CCDC148: variants seen among roughly 807,000 people sequenced by gnomAD.
CCDC148 encodes the protein coiled-coil domain containing 148.
In CCDC148, 89 loss-of-function variants were observed where a neutral mutation model predicts 85.7. That is an observed-to-expected ratio of 1.04 (90% confidence interval 0.87 to 1.24). The LOEUF (loss-of-function observed/expected upper bound fraction) is 1.24. CCDC148 is among the 50% of genes most tolerant of loss of function. The probability of loss-of-function intolerance (pLI) is 0.00; values close to 1 mark genes in which losing one functional copy is unlikely to be tolerated. For synonymous variants in CCDC148, 230 were observed against 213.9 expected (o/e 1.08, Z -0.66); for missense variants, 692 against 671.7 (o/e 1.03, Z -0.33).
At chr2:158,175,152 A>G (rs1272320508) in intron 13 of CCDC148, among the ~76,000 whole-genome samples, 2 of 151,990 alleles carry the variant, frequency 1.3e-5, no homozygotes, top group Admixed American at 6.6e-5. Flanking sequence ...CCGCTTGGTC[A>G]AACCCAGAGG....
At chr2:158,174,148 A>T (rs1015458439) in intron 13 of CCDC148, among the ~76,000 whole-genome samples, 2 of 152,062 alleles carry the variant, frequency 1.3e-5, no homozygotes, top group Non-Finnish European at 2.9e-5. Context: ...GGTACCAAGA[A>T]ATATTTTAGG....
chr2:158,247,046 G>A (rs1024100717), intron 10 of CCDC148, among the ~76,000 whole-genome samples: 1 of 152,056 alleles, frequency 6.6e-6, no homozygotes, highest in African/African-American at 2.4e-5. Flanking sequence ...AATTTCCATG[G>A]CAATATAGAT....
At chr2:158,415,213 T>A (rs1378303596) in intron 1 of CCDC148, among the ~76,000 whole-genome samples, 1 of 150,386 alleles carries the variant, frequency 6.6e-6, no homozygotes, top group Non-Finnish European at 1.5e-5. Flanking sequence ...GCCTCAACAA[T>A]CATGGCAGAA....
intron 2 of CCDC148, among the ~76,000 whole-genome samples, chr2:158,353,715 C>G (rs1683457714): frequency 1.3e-5 from 2 of 152,150 alleles, no homozygotes; most frequent in African/African-American, 4.8e-5. Context: ...CTCAGCTCTG[C>G]ACCAAGCAGA....
intron 1 of CCDC148, among the ~76,000 whole-genome samples, chr2:158,428,820 T>C (rs930132877): frequency 2.0e-5 from 3 of 152,006 alleles, no homozygotes; most frequent in Non-Finnish European, 4.4e-5. Context: ...CATTCTACTA[T>C]AAAGACACAT....
chr2:158,441,976 A>G (rs1381855630), intron 1 of CCDC148, among the ~76,000 whole-genome samples: 1 of 152,184 alleles, frequency 6.6e-6, no homozygotes, highest in African/African-American at 2.4e-5. Flanking sequence ...ATGGATAAAT[A>G]CCCTCTTATT....
At chr2:158,418,711 A>ATTT (rs56980871) in intron 1 of CCDC148, among the ~76,000 whole-genome samples, 5 of 149,536 alleles carry the variant, frequency 3.3e-5, no homozygotes, top group Non-Finnish European at 7.4e-5. Context: ...AATTATCACT[A>ATTT]TTTTTTTTTT....
At chr2:158,274,856 G>A (rs1689856133) in intron 9 of CCDC148, among the ~76,000 whole-genome samples, 1 of 152,242 alleles carries the variant, frequency 6.6e-6, no homozygotes, top group Non-Finnish European at 1.5e-5. Flanking sequence ...TATAGTCCAA[G>A]TGAGTCTGAC....
chr2:158,228,390 G>T (rs537141765), intron 10 of CCDC148, among the ~76,000 whole-genome samples: 5 of 152,328 alleles, frequency 3.3e-5, no homozygotes, highest in Admixed American at 1.3e-4. Context: ...CATTATGGAA[G>T]TCAGTGTGGC....
At chr2:158,186,879 A>G (rs1423279836) in intron 11 of CCDC148, among the ~76,000 whole-genome samples, 19 of 151,872 alleles carry the variant, frequency 1.3e-4, no homozygotes, top group Admixed American at 1.2e-3. Context: ...CCAGCTTTGG[A>G]GCCCTGGGTC....
intron 1 of CCDC148, chr2:158,365,887 C>T: frequency 1.6e-6 from 1 of 637,108 alleles, no homozygotes; most frequent in East Asian, 3.0e-5. Context: ...GCCGGTCATT[C>T]AATGTAACCA....
intron 9 of CCDC148, among the ~76,000 whole-genome samples, chr2:158,265,566 A>G (rs921285304): frequency 1.9e-4 from 29 of 152,170 alleles, no homozygotes; most frequent in African/African-American, 6.0e-4. Flanking sequence ...ATTTATAAGT[A>G]TATTTTAAAG....
chr2:158,291,595 T>C (rs1438816090), intron 9 of CCDC148, among the ~76,000 whole-genome samples: 1 of 152,208 alleles, frequency 6.6e-6, no homozygotes, highest in Non-Finnish European at 1.5e-5. Flanking sequence ...GGTGTTTATA[T>C]GGTTGCCTTC....
chr2:158,180,233 G>A lies in CCDC148; in HGVS notation c.1371-1237C>T, dbSNP rs537702052. Among the ~76,000 whole-genome samples, 3 of 152,192 alleles carry A rather than the reference G, an allele frequency of 2.0e-5. No homozygotes were observed. The East Asian group carries it at 5.8e-4, about 29-fold the overall frequency. On this transcript the variant is annotated intron_variant, in intron 11 of 13. Transcript: ENST00000283233. ...CTAGACCTTTTACATTCTGGATTCT[G>A]GTATTTACTGCGTGTTCACCCTGCA...
At chr2:158,245,707 G>C (rs1326208720) in intron 10 of CCDC148, among the ~76,000 whole-genome samples, 1 of 152,160 alleles carries the variant, frequency 6.6e-6, no homozygotes, top group East Asian at 1.9e-4. Flanking sequence ...TAGACAAAGA[G>C]CCACATCTAG....
chr2:158,232,385 T>C (rs1194354331), intron 10 of CCDC148, among the ~76,000 whole-genome samples: 1 of 152,144 alleles, frequency 6.6e-6, no homozygotes, highest in Non-Finnish European at 1.5e-5. Flanking sequence ...CTTACTTTTG[T>C]AATCTTTCAG....
At chr2:158,405,643 G>A (rs1437409245) in intron 1 of CCDC148, among the ~76,000 whole-genome samples, 1 of 152,160 alleles carries the variant, frequency 6.6e-6, no homozygotes, top group Non-Finnish European at 1.5e-5. Flanking sequence ...AATGTGTTAA[G>A]TGTTTGGTTA....
At chr2:158,449,935 G>A (rs566036443) in intron 1 of CCDC148, among the ~76,000 whole-genome samples, 34 of 151,748 alleles carry the variant, frequency 2.2e-4, no homozygotes, top group Non-Finnish European at 4.1e-4. Context: ...GCATTTTACC[G>A]TGAATCGGTG....
At chr2:158,362,960 C>A (rs984053300) in intron 1 of CCDC148, among the ~76,000 whole-genome samples, 1 of 151,904 alleles carries the variant, frequency 6.6e-6, no homozygotes, top group Non-Finnish European at 1.5e-5. Flanking sequence ...ATCAAATAGA[C>A]ACAATAAAAA....
Sources: gnomAD v4.1 joint callset for allele counts (sites outside exome capture counted in the v4.1 genomes callset) on GRCh38, gnomAD v4.1.1 for gene constraint, MANE v1.5 for transcripts, NCBI Gene and HGNC (gene_info 2026-07-23, HGNC 2026-07-21) for gene names.